Variants in STK32B observed in about 807,000 individuals in gnomAD.
The protein encoded by STK32B is serine/threonine-protein kinase 32B.
Under a neutral mutation model 52.6 loss-of-function variants are expected in STK32B, and 43 were observed. The observed-to-expected ratio is 0.82, with a 90% CI of 0.64 to 1.05. The LOEUF is 1.05. Ranked by LOEUF, STK32B falls within the 50% of genes least tolerant of loss-of-function variation. The pLI is 0.00. For missense variants in STK32B, 621 were observed against 534.6 expected (o/e 1.16, Z -1.59); for synonymous variants, 238 against 204.3 (o/e 1.17, Z -1.41).
chr4:5,375,779 C>T (rs535268732), intron 4 of STK32B, among the ~76,000 whole-genome samples: 4 of 152,138 alleles, frequency 2.6e-5, no homozygotes, highest in East Asian at 1.9e-4. Flanking sequence ...AAGAATGAGA[C>T]GGTAGAAAGT....
At chr4:5,193,930 A>C (rs1721435350) in intron 3 of STK32B, among the ~76,000 whole-genome samples, 1 of 151,716 alleles carries the variant, frequency 6.6e-6, no homozygotes, top group African/African-American at 2.4e-5. Context: ...TCCTTTCCCT[A>C]CTCCGCTGTC....
At chr4:5,060,047 A>G (rs933523437) in intron 1 of STK32B, among the ~76,000 whole-genome samples, 3 of 152,048 alleles carry the variant, frequency 2.0e-5, no homozygotes, top group Non-Finnish European at 4.4e-5. Flanking sequence ...GCTCACCACA[A>G]CCTCCACCTC....
intron 6 of STK32B, among the ~76,000 whole-genome samples, chr4:5,430,768 T>C (rs1277487804): frequency 6.6e-6 from 1 of 152,218 alleles, no homozygotes; most frequent in East Asian, 1.9e-4. Flanking sequence ...GTTTTGTTGT[T>C]CTGTGGTTAT....
chr4:5,490,032 G>A (rs1354150372), intron 11 of STK32B, among the ~76,000 whole-genome samples: 5 of 151,820 alleles, frequency 3.3e-5, no homozygotes, highest in Non-Finnish European at 7.4e-5. Flanking sequence ...GTTTACAATT[G>A]ATGGTTGGAC....
intron 1 of STK32B, among the ~76,000 whole-genome samples, chr4:5,129,665 G>A (rs1391921689): frequency 1.3e-5 from 2 of 152,090 alleles, no homozygotes; most frequent in African/African-American, 2.4e-5. Context: ...CATATCTCTT[G>A]TGTGCCTCAA....
chr4:5,047,349 A>G (rs1467513767), upstream of STK32B, among the ~76,000 whole-genome samples: 1 of 145,888 alleles, frequency 6.9e-6, no homozygotes, highest in Non-Finnish European at 1.5e-5. Context: ...GGGGTGGGGG[A>G]TGAGGGGAGG....
At chr4:5,358,627 T>C (rs1019538187) in intron 4 of STK32B, among the ~76,000 whole-genome samples, 1 of 151,996 alleles carries the variant, frequency 6.6e-6, no homozygotes, top group African/African-American at 2.4e-5. Flanking sequence ...AAGGAGATCA[T>C]TGGATATTGA....
At chr4:5,302,853 G>C (rs1256337606) in intron 3 of STK32B, among the ~76,000 whole-genome samples, 1 of 151,866 alleles carries the variant, frequency 6.6e-6, no homozygotes, top group Non-Finnish European at 1.5e-5. Flanking sequence ...AACCTATGAA[G>C]TTTGGTATTC....
intron 1 of STK32B, among the ~76,000 whole-genome samples, chr4:5,075,592 T>G (rs1227189724): frequency 6.6e-6 from 1 of 152,160 alleles, no homozygotes; most frequent in African/African-American, 2.4e-5. Flanking sequence ...TTTGGATAAA[T>G]TGAATCTTAA....
intron 3 of STK32B, among the ~76,000 whole-genome samples, chr4:5,261,761 C>T (rs959636843): frequency 6.6e-5 from 10 of 151,952 alleles, no homozygotes; most frequent in African/African-American, 2.2e-4. Flanking sequence ...ATTATTATTA[C>T]TTTATTATTA....
intron 5 of STK32B, among the ~76,000 whole-genome samples, chr4:5,413,160 C>G (rs1485178316): frequency 6.6e-6 from 1 of 152,148 alleles, no homozygotes; most frequent in Admixed American, 6.5e-5. Flanking sequence ...ATAACTACCC[C>G]ACAAGGCCCT....
intron 7 of STK32B, among the ~76,000 whole-genome samples, chr4:5,455,004 C>G (rs1716367680): frequency 6.6e-6 from 1 of 152,162 alleles, no homozygotes; most frequent in African/African-American, 2.4e-5. Context: ...TTTGCTCTGC[C>G]TATTATACGG....
In STK32B at chr4:5,316,638, TATATTATATATATAATATATAATA is replaced by T. The variant is rs1247450909; in HGVS notation, c.261-14581_261-14558del. ...TATATATTATATATATAATATATAA[TATATTATATATATAATATATAATA>T]TATATTATATATATAATATAATATA... is the stretch of plus-strand genomic sequence containing the variant. On this transcript the variant is annotated intron_variant, in intron 3 of 11. Coordinates refer to ENST00000282908, the MANE Select transcript of STK32B (RefSeq NM_018401.3). Among the ~76,000 whole-genome samples, 83 of 13,248 alleles carry T rather than the reference TATATTATATATATAATATATAATA, an allele frequency of 6.3e-3. 8 individuals carry two copies. The highest frequency in any genetic ancestry group is 7.3e-3 in the Non-Finnish European group (74 of 10,198). 8.7% of individuals were successfully genotyped at this position (13,248 alleles called of 152,430 possible).
At chr4:5,096,509 A>ACATC (rs33986489) in intron 1 of STK32B, among the ~76,000 whole-genome samples, 47,219 of 151,880 alleles carry the variant, frequency 0.31, 8,005 homozygotes, top group Middle Eastern at 0.43. Flanking sequence ...GTCACCACAC[A>ACATC]CATCCTCTCA....
At chr4:5,350,490 A>T (rs992005504) in intron 4 of STK32B, among the ~76,000 whole-genome samples, 1 of 152,142 alleles carries the variant, frequency 6.6e-6, no homozygotes, top group African/African-American at 2.4e-5. Context: ...CACTGGTAAA[A>T]CAACACACAA....
At chr4:5,439,509 T>C (rs1403882331) in intron 6 of STK32B, among the ~76,000 whole-genome samples, 2 of 151,830 alleles carry the variant, frequency 1.3e-5, no homozygotes, top group Non-Finnish European at 2.9e-5. Flanking sequence ...ATTAGCCCTT[T>C]GTCAGATGAG....
At chr4:5,280,590 C>T (rs1345492430) in intron 3 of STK32B, among the ~76,000 whole-genome samples, 6 of 152,128 alleles carry the variant, frequency 3.9e-5, no homozygotes, top group South Asian at 2.1e-4. Context: ...AGTCTATTCT[C>T]GCACTGCTAT....
intron 4 of STK32B, among the ~76,000 whole-genome samples, chr4:5,347,192 G>A (rs1733528786): frequency 6.6e-6 from 1 of 152,158 alleles, no homozygotes; most frequent in African/African-American, 2.4e-5. Context: ...TTGGGGAGCT[G>A]GAAAGCTCTA....
At chr4:5,413,799 C>G (rs958204021) in intron 5 of STK32B, among the ~76,000 whole-genome samples, 16 of 152,288 alleles carry the variant, frequency 1.1e-4, no homozygotes, top group African/African-American at 3.9e-4. Flanking sequence ...TCCTCTGCAG[C>G]GAGGTAACAT....
Sources: gnomAD v4.1 joint callset for allele counts (sites outside exome capture counted in the v4.1 genomes callset) on GRCh38, gnomAD v4.1.1 for gene constraint, MANE v1.5 for transcripts, NCBI Gene and HGNC (gene_info 2026-07-23, HGNC 2026-07-21) for gene names.